Variants in UNC13C observed in about 807,000 individuals in gnomAD.
The protein encoded by UNC13C is protein unc-13 homolog C.
In UNC13C, 174 loss-of-function variants were observed where a neutral mutation model predicts 245.4. The ratio of observed to expected loss-of-function variants is 0.71; its 90% confidence interval spans 0.63 to 0.80. UNC13C has a LOEUF of 0.80. UNC13C is among the 30% of genes least tolerant of loss of function. The probability of loss-of-function intolerance (pLI) is 0.00; values close to 1 mark genes in which losing one functional copy is unlikely to be tolerated. For missense variants in UNC13C, 2,829 were observed against 2,602.9 expected, an observed-to-expected ratio of 1.09 and a Z score of -1.89; for synonymous variants, 992 against 895.1, an observed-to-expected ratio of 1.11 and a Z score of -1.93.
the UNC13C span, among the ~76,000 whole-genome samples, chr15:53,920,800 A>G: frequency 2.0e-5 from 3 of 150,780 alleles, no homozygotes; most frequent in South Asian, 4.3e-4. Context: ...CCCTGAGGGT[A>G]GAACAGTGAC....
Position 54,143,028 on chromosome 15 carries a change from T to C in UNC13C, c.2994T>C (p.Ser998=), listed in dbSNP as rs2032094544. The part of the protein sequence containing the change: ...EEKILAGDSS[S]VDEKARIVSG... Reference sequence around the variant, plus strand: ...CTGATTCTCTTTCAGATAGCAGTTCTGTGGATGAAAAGGTTTTAAATCATA... The same window carrying C: ...CTGATTCTCTTTCAGATAGCAGTTCCGTGGATGAAAAGGTTTTAAATCATA... Residue 998 remains serine, a synonymous_variant, in exon 3 of 33, where the codon TCT becomes TCC. Transcript: ENST00000260323. The C allele has an allele frequency of 1.2e-6, 2 of 1,611,930 alleles. No individual in the cohort carries two copies. The highest frequency in any genetic ancestry group is 1.7e-5 in the Admixed American group (1 of 60,014).
chr15:54,535,810 T>A (rs1051488734), intron 26 of UNC13C, among the ~76,000 whole-genome samples: 8 of 152,100 alleles, frequency 5.3e-5, no homozygotes, highest in Non-Finnish European at 1.0e-4. Context: ...AGAAAAGGTA[T>A]AACATACCAG....
the UNC13C span, among the ~76,000 whole-genome samples, chr15:53,930,059 G>A: frequency 3.3e-5 from 5 of 152,244 alleles, no homozygotes; most frequent in East Asian, 1.9e-4. Flanking sequence ...TCAGCTGGCC[G>A]CCTTGACCTG....
chr15:53,840,102 G>A, the UNC13C span, among the ~76,000 whole-genome samples: 2 of 152,072 alleles, frequency 1.3e-5, no homozygotes, highest in Non-Finnish European at 1.5e-5. Context: ...ACAGTTAGGT[G>A]TCTCTGCTAA....
Position 53,992,396 on chromosome 15 carries a change from C to T in UNC13C, c.-257+13469C>T, listed in dbSNP as rs577329520. 1.2e-3 allele frequency among the ~76,000 whole-genome samples: 178 copies of T among 152,076 alleles called. 1 individual carries two copies. The highest frequency in any genetic ancestry group is 8.8e-5 in the Non-Finnish European group (6 of 67,962). On this transcript the variant is annotated intron_variant, in intron 1 of 32. Coordinates refer to ENST00000260323, the MANE Select transcript of UNC13C (RefSeq NM_001080534.3). ...TTACTCTAGTTGTTGGTCTGGAGGT[C>T]CAGGAGGTTGTTTGTGGTAGATCTT...
intron 5 of UNC13C, 74 bp downstream of exon 5, chr15:54,235,182 C>T: frequency 1.6e-6 from 2 of 1,256,272 alleles, no homozygotes; most frequent in Non-Finnish European, 2.3e-6. Flanking sequence ...ATGTCCTTCT[C>T]ATTCACTGTC....
chr15:53,975,341 T>G (rs1313234487), upstream of UNC13C, among the ~76,000 whole-genome samples: 1 of 152,234 alleles, frequency 6.6e-6, no homozygotes, highest in African/African-American at 2.4e-5. Context: ...CTTGCTGTTT[T>G]AAACATAATC....
intron 24 of UNC13C, among the ~76,000 whole-genome samples, chr15:54,523,521 C>T (rs1269947879): frequency 6.6e-6 from 1 of 152,094 alleles, no homozygotes; most frequent in Non-Finnish European, 1.5e-5. Context: ...TTTAGGTTGT[C>T]AACTAATAAT....
At chr15:54,443,934 T>G (rs999582554) in intron 19 of UNC13C, among the ~76,000 whole-genome samples, 1 of 150,430 alleles carries the variant, frequency 6.6e-6, no homozygotes, top group African/African-American at 2.4e-5. Context: ...CTCTAAAATT[T>G]AGTTTAATTT....
chr15:53,918,365 T>C, the UNC13C span, among the ~76,000 whole-genome samples: 1 of 152,296 alleles, frequency 6.6e-6, no homozygotes, highest in East Asian at 1.9e-4. Flanking sequence ...GATTTTTTTT[T>C]TCTCACTCTC....
intron 19 of UNC13C, among the ~76,000 whole-genome samples, chr15:54,420,033 T>C (rs2040605617): frequency 6.6e-6 from 1 of 152,024 alleles, no homozygotes. Context: ...ATTTTTGGTG[T>C]GCTTAAGGAG....
Position 54,314,777 on chromosome 15 carries a change from A to G in UNC13C, c.4269-7162A>G, listed in dbSNP as rs1050324897. On this transcript the variant is annotated intron_variant, in intron 13 of 32. Transcript: ENST00000260323. ...AACAGCAGCTTTCCATCTTGATTTT[A>G]TATTTTCAGAGATCATTCTAAATCT... 4.6e-5 allele frequency among the ~76,000 whole-genome samples: 7 copies of G among 151,794 alleles called. 1 individual carries two copies. The highest frequency in any genetic ancestry group is 7.4e-5 in the Non-Finnish European group (5 of 67,828).
intron 1 of UNC13C, among the ~76,000 whole-genome samples, chr15:54,002,693 A>G (rs1894952724): frequency 6.6e-6 from 1 of 152,202 alleles, no homozygotes; most frequent in African/African-American, 2.4e-5. Flanking sequence ...ACAAATGTCA[A>G]AATTACTCAC....
In UNC13C at chr15:54,017,459, A is replaced by C. The variant is rs148521601; in HGVS notation, c.2983+1573A>C. ...TTGATTCAGAGTTTACTCAAAGGCA[A>C]ATGAAGACTAAGAAGTGCATGAGCA... On this transcript the variant is annotated intron_variant, in intron 2 of 32. Transcript: ENST00000260323. 3.4e-4 allele frequency among the ~76,000 whole-genome samples: 52 copies of C among 151,788 alleles called. 1 individual carries two copies. The highest frequency in any genetic ancestry group is 2.1e-3 in the South Asian group (10 of 4,768).
At chr15:53,937,570 G>C in the UNC13C span, among the ~76,000 whole-genome samples, 1 of 152,046 alleles carries the variant, frequency 6.6e-6, no homozygotes, top group Non-Finnish European at 1.5e-5. Flanking sequence ...TCAACCCCAA[G>C]ACACATAATC....
At chr15:54,493,120 AGTATTG>A (rs1893797858) in intron 19 of UNC13C, among the ~76,000 whole-genome samples, 1 of 152,206 alleles carries the variant, frequency 6.6e-6, no homozygotes, top group East Asian at 1.9e-4. Context: ...GTTTCAGGGT[AGTATTG>A]TGTGAAATTT....
chr15:54,335,837 AG>A lies in UNC13C; in HGVS notation c.4584+1982del, dbSNP rs551356424. Reference sequence around the variant, plus strand: ...CTGTTTTAAATAAGCATGGGATTATAGTTGTAAACATATGTTTTTATGTTCC... The same window carrying A: ...CTGTTTTAAATAAGCATGGGATTATATTGTAAACATATGTTTTTATGTTCC... On this transcript the variant is annotated intron_variant, in intron 16 of 32. Coordinates refer to ENST00000260323, the MANE Select transcript of UNC13C (RefSeq NM_001080534.3). 2.0e-4 allele frequency among the ~76,000 whole-genome samples: 31 copies of A among 152,262 alleles called. No individual in the cohort carries two copies. The South Asian group carries it at 2.5e-3, about 12-fold the overall frequency.
intron 30 of UNC13C, among the ~76,000 whole-genome samples, chr15:54,608,085 G>C (rs1367490195): frequency 6.6e-6 from 1 of 151,994 alleles, no homozygotes; most frequent in Non-Finnish European, 1.5e-5. Context: ...ATAGCATTAC[G>C]GGATAAGTCA....
the UNC13C span, among the ~76,000 whole-genome samples, chr15:53,969,316 T>G: frequency 3.7e-3 from 561 of 151,780 alleles, 2 homozygotes; most frequent in Admixed American, 7.8e-3. Context: ...GTGGAGAGAG[T>G]TGCAGCATTC....
Sources: gnomAD v4.1 joint callset for allele counts (sites outside exome capture counted in the v4.1 genomes callset) on GRCh38, gnomAD v4.1.1 for gene constraint, MANE v1.5 for transcripts, NCBI Gene and HGNC (gene_info 2026-07-23, HGNC 2026-07-21) for gene names.